The following DLG2 variants were observed in gnomAD, a reference collection of about 807,000 sequenced individuals.
DLG2 encodes the protein discs large MAGUK scaffold protein 2, also known as disks large homolog 2.
DLG2 carries 45 observed loss-of-function variants against 132.5 expected under a neutral mutation model. The observed-to-expected ratio is 0.34, with a 90% confidence interval of 0.27 to 0.44. The LOEUF (loss-of-function observed/expected upper bound fraction) is 0.44. DLG2 is among the 20% of genes least tolerant of loss of function. The pLI, the probability that DLG2 is intolerant of heterozygous loss-of-function variation, is 1.00. For missense variants in DLG2, 1,045 were observed against 1,196.9 expected, an observed-to-expected ratio of 0.87 and a Z score of 1.87; for synonymous variants, 424 against 419.6, an observed-to-expected ratio of 1.01 and a Z score of -0.13.
chr11:84,143,110 A>C (rs895113437), intron 9 of DLG2, among the ~76,000 whole-genome samples: 1 of 152,190 alleles, frequency 6.6e-6, no homozygotes, highest in Admixed American at 6.5e-5. Flanking sequence ...TTCAGTTTCA[A>C]CGTTGAGCAT....
At chr11:84,764,350 T>A (rs145689866) in intron 6 of DLG2, among the ~76,000 whole-genome samples, 1 of 152,180 alleles carries the variant, frequency 6.6e-6, no homozygotes, top group Non-Finnish European at 1.5e-5. Flanking sequence ...ATTTCAGATG[T>A]TTCCACTTGT....
At chr11:83,530,020 G>A (rs952631503) in intron 21 of DLG2, among the ~76,000 whole-genome samples, 1 of 152,014 alleles carries the variant, frequency 6.6e-6, no homozygotes, top group Non-Finnish European at 1.5e-5. Context: ...TAAAGTTCTA[G>A]TCCTGTTTCT....
intron 19 of DLG2, among the ~76,000 whole-genome samples, chr11:83,620,433 T>G (rs1005398971): frequency 5.9e-5 from 9 of 152,332 alleles, no homozygotes; most frequent in Middle Eastern, 6.8e-3. Flanking sequence ...TTCCTTTTTA[T>G]CTTTTAATAA....
In DLG2 at chr11:84,611,368, G is replaced by T. The variant is rs374109280; in HGVS notation, c.358-76637C>A. On this transcript the variant is annotated intron_variant, in intron 6 of 27. Coordinates refer to ENST00000376104, the MANE Select transcript of DLG2 (RefSeq NM_001142699.3). ...CCATTTACTAAGAAGAAAAGGAAGT[G>T]CTGAGTAGTGACTGTGTGACCAGTG... Among the ~76,000 whole-genome samples, 39 of 152,266 alleles carry T rather than the reference G, an allele frequency of 2.6e-4. 1 individual carries two copies. The South Asian group carries it at 7.5e-3, about 29-fold the overall frequency.
At chr11:85,007,357 T>A (rs1441286103) in intron 6 of DLG2, among the ~76,000 whole-genome samples, 1 of 152,002 alleles carries the variant, frequency 6.6e-6, no homozygotes, top group Non-Finnish European at 1.5e-5. Flanking sequence ...TCAAAAGTTT[T>A]ATGGATCAGA....
In DLG2 at chr11:83,672,277, C is replaced by T. The variant is rs544989755; in HGVS notation, c.1826-38952G>A. Among the ~76,000 whole-genome samples, 9 of 152,142 alleles carry T rather than the reference C, an allele frequency of 5.9e-5. No homozygotes were observed. The East Asian group carries it at 7.8e-4, about 13-fold the overall frequency. ...TCAGCTCACCGCAACCTCTGCCTCC[C>T]GGGTTCAAGTGATTCTCCTGCCTCA... On this transcript the variant is annotated intron_variant, in intron 18 of 27. Transcript: ENST00000376104.
chr11:84,340,987 G>A (rs1283866848), intron 7 of DLG2, among the ~76,000 whole-genome samples: 2 of 152,082 alleles, frequency 1.3e-5, no homozygotes, highest in Non-Finnish European at 2.9e-5. Flanking sequence ...AAATTGAAGA[G>A]TATCTTCAAA....
At chr11:84,633,476 C>T (rs893901620) in intron 6 of DLG2, among the ~76,000 whole-genome samples, 3 of 152,048 alleles carry the variant, frequency 2.0e-5, no homozygotes, top group East Asian at 1.9e-4. Flanking sequence ...AGAATCAACT[C>T]GTGCACCACT....
intron 18 of DLG2, among the ~76,000 whole-genome samples, chr11:83,691,492 G>C (rs2080989594): frequency 6.6e-6 from 1 of 152,152 alleles, no homozygotes; most frequent in African/African-American, 2.4e-5. Context: ...AGGCTCTGCT[G>C]TCTCTGGCTG....
At chr11:85,344,094 C>A (rs186774934) in intron 3 of DLG2, among the ~76,000 whole-genome samples, 3 of 152,130 alleles carry the variant, frequency 2.0e-5, no homozygotes, top group Admixed American at 6.6e-5. Context: ...AGTTCTCCCC[C>A]CATTGTGTGT....
chr11:85,473,706 G>C (rs1360132898), intron 3 of DLG2, among the ~76,000 whole-genome samples: 1 of 151,798 alleles, frequency 6.6e-6, no homozygotes, highest in Non-Finnish European at 1.5e-5. Context: ...TCAGAAACAA[G>C]GTATATTCCC....
rs560569996 is a variant in DLG2 at position 84,535,473 on chromosome 11, C to T, written c.358-742G>A. On this transcript the variant is annotated intron_variant, in intron 6 of 27. Transcript: ENST00000376104. ...CTCTCTTGTTCCCTTTTCCTCTTTTCTTAACCATCTTGCTTACACATGACT... is the reference window on the plus strand; with the variant it reads ...CTCTCTTGTTCCCTTTTCCTCTTTTTTTAACCATCTTGCTTACACATGACT... Among the ~76,000 whole-genome samples, 13 of 152,268 alleles carry T rather than the reference C, an allele frequency of 8.5e-5. 1 individual carries two copies. The highest frequency in any genetic ancestry group is 6.2e-4 in the South Asian group (3 of 4,820).
At chr11:84,139,745 G>A (rs1043009830) in intron 9 of DLG2, among the ~76,000 whole-genome samples, 3 of 151,910 alleles carry the variant, frequency 2.0e-5, no homozygotes, top group Middle Eastern at 3.4e-3. Flanking sequence ...GGCCACACTC[G>A]AAACACTTTG....
At chr11:83,731,639 T>C (rs1160323568) in intron 18 of DLG2, among the ~76,000 whole-genome samples, 1 of 152,188 alleles carries the variant, frequency 6.6e-6, no homozygotes. Flanking sequence ...TTATATTCCT[T>C]TGGGTATATA....
intron 7 of DLG2, among the ~76,000 whole-genome samples, chr11:84,472,667 A>C (rs866008626): frequency 1.3e-5 from 2 of 151,930 alleles, no homozygotes; most frequent in African/African-American, 4.8e-5. Context: ...CCCATCTCAA[A>C]CTCTTGGTCT....
chr11:84,446,020 G>T (rs1233304531), intron 7 of DLG2, among the ~76,000 whole-genome samples: 1 of 149,330 alleles, frequency 6.7e-6, no homozygotes, highest in African/African-American at 2.5e-5. Flanking sequence ...GTTTTTTCTG[G>T]ACCATTTTAT....
intron 16 of DLG2, among the ~76,000 whole-genome samples, chr11:83,869,630 A>T (rs2154061050): frequency 6.6e-6 from 1 of 152,346 alleles, no homozygotes; most frequent in Non-Finnish European, 1.5e-5. Context: ...TCTGTTTATA[A>T]GTAAAACTAC....
chr11:84,924,137 A>G (rs1420070174), intron 6 of DLG2, among the ~76,000 whole-genome samples: 1 of 152,144 alleles, frequency 6.6e-6, no homozygotes, highest in Non-Finnish European at 1.5e-5. Context: ...AGATCCTTCT[A>G]TCTGTTGTCA....
intron 14 of DLG2, among the ~76,000 whole-genome samples, chr11:83,960,354 T>A (rs1249004740): frequency 1.3e-5 from 2 of 152,058 alleles, no homozygotes. Flanking sequence ...GACCCTACTT[T>A]TGCTTGCTTG....
Sources: allele counts gnomAD v4.1 joint callset (sites outside exome capture counted in the v4.1 genomes callset), GRCh38; gene constraint gnomAD v4.1.1; transcripts MANE v1.5; gene names NCBI Gene and HGNC (gene_info 2026-07-23, HGNC 2026-07-21).